Variants in TTC7B observed in about 807,000 individuals in gnomAD.
The protein encoded by TTC7B is tetratricopeptide repeat domain 7B.
TTC7B carries 28 observed loss-of-function variants against 106.8 expected under a neutral mutation model. That is an observed-to-expected ratio of 0.26 (90% confidence interval 0.19 to 0.36). The LOEUF is 0.36. Ranked by LOEUF, TTC7B falls within the 10% of genes least tolerant of loss-of-function variation. TTC7B has a pLI of 1.00. For missense variants in TTC7B, 862 were observed against 1,076.4 expected (o/e 0.80, Z 2.79); for synonymous variants, 405 against 430.6 (o/e 0.94, Z 0.74).
At chr14:90,781,587 A>C (rs1344615123) in intron 2 of TTC7B, among the ~76,000 whole-genome samples, 1 of 152,196 alleles carries the variant, frequency 6.6e-6, no homozygotes, top group African/African-American at 2.4e-5. Flanking sequence ...GTCTCAGAAA[A>C]GGAAGCGGCC....
chr14:90,814,794 C>T (rs1365722387), intron 1 of TTC7B, among the ~76,000 whole-genome samples: 1 of 152,152 alleles, frequency 6.6e-6, no homozygotes, highest in East Asian at 1.9e-4. Flanking sequence ...CACTGAACAC[C>T]ATCTCCTCAA....
At chr14:90,705,691 C>T (rs1220857857) in intron 5 of TTC7B, among the ~76,000 whole-genome samples, 1 of 152,204 alleles carries the variant, frequency 6.6e-6, no homozygotes, top group Non-Finnish European at 1.5e-5. Flanking sequence ...TGCCAATGAA[C>T]AGCCCCCTCC....
chr14:90,791,687 T>G (rs918508743), intron 1 of TTC7B, among the ~76,000 whole-genome samples: 1 of 151,806 alleles, frequency 6.6e-6, no homozygotes, highest in Non-Finnish European at 1.5e-5. Context: ...CTGTTCACCC[T>G]CCCCCATAGG....
chr14:90,788,813 A>C (rs1224269621), intron 1 of TTC7B, among the ~76,000 whole-genome samples: 1 of 152,036 alleles, frequency 6.6e-6, no homozygotes, highest in African/African-American at 2.4e-5. Flanking sequence ...AAATACAAAA[A>C]TTAGCTGTGC....
Position 90,807,060 on chromosome 14 carries a change from A to C in TTC7B, c.121+9115T>G, listed in dbSNP as rs1050121316. Among the ~76,000 whole-genome samples the C allele has an allele frequency of 6.6e-6, 1 of 152,130 alleles. No individual in the cohort carries two copies. The highest frequency in any genetic ancestry group is 2.4e-5 in the African/African-American group (1 of 41,412). On this transcript the variant is annotated intron_variant, in intron 1 of 19. Transcript: ENST00000328459. This position sits in a 1 kb window ranked among gnomAD's most constrained non-coding sequence, Gnocchi z 4.1. ...CGGGGTTCCTTTCCCCTTTGCTAAA[A>C]TACCTCTATCTACCTGAAAGACTAC...
At chr14:90,584,894 C>T (rs1336004642) in intron 18 of TTC7B, among the ~76,000 whole-genome samples, 1 of 152,090 alleles carries the variant, frequency 6.6e-6, no homozygotes, top group Non-Finnish European at 1.5e-5. Context: ...AAAATCAGCA[C>T]AAGGGCCAAG....
rs187588738 is a variant in TTC7B, at chr14:90,789,395, G to A, written c.122-3067C>T. ...TTACAGGCATGAGCCACTATACCCG[G>A]CCTTAATTTATAAATTTTAATAGCC... On this transcript the variant is annotated intron_variant, in intron 1 of 19. Transcript: ENST00000328459. Among the ~76,000 whole-genome samples the A allele has an allele frequency of 2.7e-3, 412 of 152,186 alleles. 8 individuals carry two copies. The highest frequency in any genetic ancestry group is 0.017 in the Middle Eastern group (5 of 294).
intron 4 of TTC7B, among the ~76,000 whole-genome samples, chr14:90,735,368 G>A: frequency 6.6e-6 from 1 of 151,626 alleles, no homozygotes; most frequent in Non-Finnish European, 1.5e-5. Flanking sequence ...TTAGCCAGGT[G>A]TGGTGGTGTG....
chr14:90,561,982 T>C (rs1302489339), intron 19 of TTC7B, among the ~76,000 whole-genome samples: 8 of 152,226 alleles, frequency 5.3e-5, no homozygotes, highest in Non-Finnish European at 1.2e-4. Flanking sequence ...TGGGTGCTCC[T>C]TGGGTTCTGT....
At chr14:90,799,161 GC>G (rs1486859653) in intron 1 of TTC7B, among the ~76,000 whole-genome samples, 1 of 152,086 alleles carries the variant, frequency 6.6e-6, no homozygotes, top group Non-Finnish European at 1.5e-5. Flanking sequence ...CAAGGCCACG[GC>G]CATCTGACTC....
At chr14:90,776,744 T>C (rs1044794984) in intron 3 of TTC7B, among the ~76,000 whole-genome samples, 48 of 152,228 alleles carry the variant, frequency 3.2e-4, no homozygotes, top group African/African-American at 1.1e-3. Flanking sequence ...ATTAGGAACA[T>C]GGGTGTCAGA....
intron 19 of TTC7B, among the ~76,000 whole-genome samples, chr14:90,545,403 TG>T (rs1026918053): frequency 2.0e-5 from 3 of 152,356 alleles, no homozygotes; most frequent in African/African-American, 7.2e-5. Context: ...ATGGGGAAAT[TG>T]CTCCTCTCCA....
intron 19 of TTC7B, among the ~76,000 whole-genome samples, chr14:90,556,878 C>T (rs1253769851): frequency 1.3e-5 from 2 of 152,182 alleles, no homozygotes; most frequent in Non-Finnish European, 2.9e-5. Flanking sequence ...GAATAGCAGG[C>T]CCAGGCAGAG....
intron 15 of TTC7B, among the ~76,000 whole-genome samples, chr14:90,631,513 A>AT (rs1242251175): frequency 1.3e-5 from 2 of 150,536 alleles, no homozygotes; most frequent in Non-Finnish European, 3.0e-5. Flanking sequence ...GGTTCAAGCG[A>AT]TTCTTCTGCC....
At chr14:90,695,627 T>A in intron 5 of TTC7B, 49 bp from the exon 6 acceptor site, 3 of 1,263,656 alleles carry the variant, frequency 2.4e-6, no homozygotes, top group Non-Finnish European at 3.3e-6. Flanking sequence ...GTATTAATAT[T>A]AAATATTTTA....
chr14:90,676,714 G>A (rs1461121999), intron 8 of TTC7B, 54 bp from the exon 9 acceptor site: 1 of 1,591,214 alleles, frequency 6.3e-7, no homozygotes, highest in Non-Finnish European at 8.6e-7. Flanking sequence ...GTGCTGCATG[G>A]CGGGGAGTCC....
intron 15 of TTC7B, among the ~76,000 whole-genome samples, chr14:90,635,329 T>C (rs904207210): frequency 1.3e-5 from 2 of 151,872 alleles, no homozygotes; most frequent in African/African-American, 4.8e-5. Context: ...AAGGAGAGGA[T>C]ACGATATGGA....
intron 19 of TTC7B, among the ~76,000 whole-genome samples, chr14:90,561,697 T>G (rs1890590777): frequency 6.6e-6 from 1 of 152,210 alleles, no homozygotes; most frequent in Admixed American, 6.5e-5. Context: ...AAGCCACTTC[T>G]GCTCCTGACA....
chr14:90,680,869 T>A (rs149296033), intron 7 of TTC7B, among the ~76,000 whole-genome samples: 1 of 152,318 alleles, frequency 6.6e-6, no homozygotes, highest in African/African-American at 2.4e-5. Flanking sequence ...CTAAACCTAT[T>A]AGAGAGGTAT....
Sources: allele counts gnomAD v4.1 joint callset (sites outside exome capture counted in the v4.1 genomes callset), GRCh38; gene constraint gnomAD v4.1.1; non-coding constraint Gnocchi (gnomAD v3.1); transcripts MANE v1.5; gene names NCBI Gene and HGNC (gene_info 2026-07-23, HGNC 2026-07-21).